Variants in ORC1 observed in about 807,000 individuals in gnomAD.
ORC1 encodes the protein origin recognition complex, subunit 1 homolog.
In ORC1, 61 loss-of-function variants were observed where a neutral mutation model predicts 98.9. The observed-to-expected ratio is 0.62, with a 90% CI of 0.50 to 0.76. The LOEUF (loss-of-function observed/expected upper bound fraction) is 0.76, where lower values mean the gene tolerates loss of function less well. Ranked by LOEUF, ORC1 falls within the 30% of genes least tolerant of loss-of-function variation. ORC1 has a pLI of 0.00. For synonymous variants in ORC1, 385 were observed against 406.9 expected (o/e 0.95, Z 0.65); for missense variants, 979 against 1,072.2 (o/e 0.91, Z 1.21).
intron 8 of ORC1, among the ~76,000 whole-genome samples, chr1:52,386,828 G>A (rs1647148928): frequency 6.6e-6 from 1 of 152,110 alleles, no homozygotes; most frequent in African/African-American, 2.4e-5. Context: ...GCACACTCCT[G>A]TAGTCCCAGC....
In ORC1 at chr1:52,402,239, G is replaced by A. The variant is rs376805469; in HGVS notation, c.-5-11C>T. The A allele has an allele frequency of 3.0e-5, 48 of 1,592,818 alleles. No homozygotes were observed. The highest frequency in any genetic ancestry group is 3.9e-5 in the Non-Finnish European group (45 of 1,160,732). On this transcript the variant is annotated splice_polypyrimidine_tract_variant and intron_variant, in intron 1 of 16. Transcript: ENST00000371568. ...AGTGTGCCATGGCTTCTGTGGAAGAGTCCAAACTCTGAGTTACCATGATAA... is the reference window on the plus strand; with the variant it reads ...AGTGTGCCATGGCTTCTGTGGAAGAATCCAAACTCTGAGTTACCATGATAA...
chr1:52,384,654 G>C lies in ORC1; in HGVS notation c.1651C>G (p.Leu551Val). ...TATVHEVIRCLQQAAQANDVP... is the reference protein window; with the variant it reads ...TATVHEVIRCVQQAAQANDVP... ...TCATTGGCTTGGGCTGCCTGCTGCA[G>C]GCAGCGTATCACTTCATGAACAGTG... Residue 551 changes from leucine (L) to valine (V), a missense_variant, in exon 11 of 17, where the codon CTG becomes GTG. By Grantham distance (32) the Leu-to-Val change is conservative (BLOSUM62 1). Transcript: ENST00000371568. The C allele has an allele frequency of 6.2e-7, 1 of 1,613,954 alleles. No homozygotes were observed. The highest frequency in any genetic ancestry group is 8.5e-7 in the Non-Finnish European group (1 of 1,179,894).
chr1:52,381,654 C>T lies in ORC1; in HGVS notation c.2121G>A (p.Leu707=), dbSNP rs749718952. 3.1e-6 allele frequency: 5 copies of T among 1,612,538 alleles called. No homozygotes were observed. The highest frequency in any genetic ancestry group is 4.2e-6 in the Non-Finnish European group (5 of 1,179,702). ...GCTGGTGACTTACCTTCCTGGCTAC[C>T]AGCTGGATGGCATCATCTTCAAAGG... ...LKAFEDDAIQ[L]VARKVAALSG... is the part of the protein sequence containing the mutation. The change falls in exon 14 of 17, where the codon CTG becomes CTA. Residue 707 remains leucine, a synonymous_variant. Coordinates refer to ENST00000371568, the MANE Select transcript of ORC1 (RefSeq NM_004153.4).
chr1:52,404,973 G>A, upstream of ORC1: 2 of 1,466,026 alleles, frequency 1.4e-6, no homozygotes, highest in Non-Finnish European at 1.9e-6. Flanking sequence ...CTCTGGGGGT[G>A]GTACTGGAAC....
rs1407286044 is a variant in ORC1, at chr1:52,397,970, T to C, written c.224-107A>G. ...TGCTTAACCCTTGACATGTGTGGTT[T>C]TGTTTTTTGTTTTTTGAGACAGAGT... On this transcript the variant is annotated intron_variant, in intron 3 of 16. Transcript: ENST00000371568. 3.8e-6 allele frequency: 4 copies of C among 1,054,908 alleles called. No homozygotes were observed. The African/African-American group carries it at 6.3e-5, about 17-fold the overall frequency. 65.3% of individuals were successfully genotyped at this position (1,054,908 alleles called of 1,614,324 possible).
At chr1:52,408,013 G>A (rs1030247874), upstream of ORC1, among the ~76,000 whole-genome samples, 1 of 152,234 alleles carries the variant, frequency 6.6e-6, no homozygotes. Context: ...TTGAGATCGT[G>A]CCACTGCACT....
At chr1:52,375,718 C>T in intron 14 of ORC1, 119 bp from the exon 15 acceptor site, 1 of 874,654 alleles carries the variant, frequency 1.1e-6, no homozygotes, top group Non-Finnish European at 1.9e-6. Context: ...GGCAGGGAAC[C>T]TGGAGGAAGA....
chr1:52,408,061 A>G (rs1200136458), upstream of ORC1, among the ~76,000 whole-genome samples: 1 of 152,022 alleles, frequency 6.6e-6, no homozygotes, highest in Non-Finnish European at 1.5e-5. Context: ...GTCTCAAGAA[A>G]TAAATAAATA....
chr1:52,375,157 G>A (rs1452169554), intron 15 of ORC1, among the ~76,000 whole-genome samples: 5 of 151,892 alleles, frequency 3.3e-5, no homozygotes, highest in Admixed American at 1.3e-4. Flanking sequence ...CATTTCATGA[G>A]CTGAGCACAT....
upstream of ORC1, chr1:52,404,610 G>A (rs148797587): frequency 2.7e-4 from 229 of 850,362 alleles, no homozygotes; most frequent in African/African-American, 3.5e-3. Flanking sequence ...TTACACTACG[G>A]TGTTTCCGGC....
At chr1:52,407,008 G>A (rs1648014374), upstream of ORC1, among the ~76,000 whole-genome samples, 1 of 152,080 alleles carries the variant, frequency 6.6e-6, no homozygotes, top group Non-Finnish European at 1.5e-5. Context: ...TAGGAAAAAG[G>A]GAAGAGGAAC....
chr1:52,384,649 C>T lies in ORC1; in HGVS notation c.1656G>A (p.Gln552=). 6.2e-7 allele frequency: 1 copy of T among 1,614,014 alleles called. No individual in the cohort carries two copies. The highest frequency in any genetic ancestry group is 8.5e-7 in the Non-Finnish European group (1 of 1,179,916). Residue 552 remains glutamine, a synonymous_variant, in exon 11 of 17, where the codon CAG becomes CAA. Transcript: ENST00000371568. ...GAACATCATTGGCTTGGGCTGCCTG[C>T]TGCAGGCAGCGTATCACTTCATGAA... is the stretch of plus-strand genomic sequence containing the variant. ...ATVHEVIRCL[Q]QAAQANDVPP... is the part of the protein sequence containing the mutation.
chr1:52,387,101 C>T (rs1009494042), intron 8 of ORC1, among the ~76,000 whole-genome samples: 1 of 152,176 alleles, frequency 6.6e-6, no homozygotes, highest in Non-Finnish European at 1.5e-5. Flanking sequence ...TATATCCCTA[C>T]TTTTGGGTGG....
upstream of ORC1, chr1:52,405,653 T>C (rs931557113): frequency 6.2e-7 from 1 of 1,610,756 alleles, no homozygotes; most frequent in Admixed American, 1.7e-5. Context: ...AGCCCTAATA[T>C]GTTACTGTAT....
chr1:52,405,878 T>C, upstream of ORC1: 2 of 1,589,078 alleles, frequency 1.3e-6, no homozygotes, highest in Non-Finnish European at 1.7e-6. Flanking sequence ...AGAGGTTTAA[T>C]TTTGGCGGTT....
chr1:52,391,394 A>G (rs754812719), intron 6 of ORC1, among the ~76,000 whole-genome samples: 4 of 152,168 alleles, frequency 2.6e-5, no homozygotes, highest in Non-Finnish European at 5.9e-5. Context: ...CATGACTTAG[A>G]ACCCCAAAAG....
chr1:52,408,436 A>T, upstream of ORC1: 2 of 1,184,576 alleles, frequency 1.7e-6, no homozygotes, highest in Non-Finnish European at 2.5e-6. Flanking sequence ...GCTGCATTCT[A>T]CCTCCACAAT....
chr1:52,402,723 C>A (rs952659638), intron 1 of ORC1, among the ~76,000 whole-genome samples: 1 of 152,154 alleles, frequency 6.6e-6, no homozygotes, highest in Non-Finnish European at 1.5e-5. Context: ...CACCTGAGGT[C>A]AGGAGTTCGG....
chr1:52,384,229 A>C (rs1350070281), intron 11 of ORC1, among the ~76,000 whole-genome samples: 1 of 152,232 alleles, frequency 6.6e-6, no homozygotes. Flanking sequence ...CCAAAATAAC[A>C]GCCCATGGAC....
Sources: allele counts gnomAD v4.1 joint callset (sites outside exome capture counted in the v4.1 genomes callset), GRCh38; gene constraint gnomAD v4.1.1; transcripts MANE v1.5; gene names NCBI Gene and HGNC (gene_info 2026-07-23, HGNC 2026-07-21).